INPP4A: variants seen among roughly 807,000 people sequenced by gnomAD.
INPP4A encodes the protein inositol polyphosphate-4-phosphatase, type I, 107kD.
INPP4A carries 33 observed loss-of-function variants against 119.8 expected under a neutral mutation model. The observed-to-expected ratio is 0.28, with a 90% CI of 0.21 to 0.37. The LOEUF (loss-of-function observed/expected upper bound fraction) is 0.37, where lower values mean the gene tolerates loss of function less well. Among genes scored for constraint, INPP4A ranks in the 10% least tolerant of loss-of-function variants. The probability of loss-of-function intolerance (pLI) is 1.00; values close to 1 mark genes in which losing one functional copy is unlikely to be tolerated. For missense variants in INPP4A, 956 were observed against 1,289.9 expected, an observed-to-expected ratio of 0.74 and a Z score of 3.97; for synonymous variants, 496 against 500.7, an observed-to-expected ratio of 0.99 and a Z score of 0.12.
At chr2:98,454,754 T>G (rs1214052530) in intron 1 of INPP4A, among the ~76,000 whole-genome samples, 1 of 100,266 alleles carries the variant, frequency 1.0e-5, no homozygotes, top group Non-Finnish European at 1.9e-5. Context: ...AGGAGAAGGA[T>G]GTGGGCGGGG....
intron 1 of INPP4A, among the ~76,000 whole-genome samples, chr2:98,448,304 C>T (rs542170205): frequency 1.5e-5 from 2 of 137,278 alleles, no homozygotes; most frequent in South Asian, 2.3e-4. Context: ...TGCAGTGAGC[C>T]GAGATCACAC....
chr2:98,545,955 A>C lies in INPP4A; in HGVS notation c.950-14A>C. 1.0e-5 allele frequency: 16 copies of C among 1,532,822 alleles called. No individual in the cohort carries two copies. The highest frequency in any genetic ancestry group is 1.3e-5 in the Non-Finnish European group (15 of 1,123,486). 95.0% of individuals were successfully genotyped at this position (1,532,822 alleles called of 1,614,324 possible). A position where few individuals can be genotyped will look rare whatever the true frequency, so the allele number is the denominator to read the frequency against. ...ATGCTGATGGCCTTTATCTTCTCCT[A>C]TTCCATTTCTTAGGGCCCTCGTTTA... is the stretch of plus-strand genomic sequence containing the variant. On this transcript the variant is annotated splice_polypyrimidine_tract_variant and intron_variant, in intron 11 of 24. Coordinates refer to ENST00000409851, the MANE Select transcript of INPP4A (RefSeq NM_001134225.2).
At chr2:98,486,855 C>T (rs3769727) in intron 1 of INPP4A, among the ~76,000 whole-genome samples, 41,797 of 152,098 alleles carry the variant, frequency 0.27, 5,792 homozygotes, top group Middle Eastern at 0.35. Context: ...GTGACAGGGG[C>T]GGGCAAGGCT....
At chr2:98,522,209 G>A (rs1389977177) in intron 4 of INPP4A, among the ~76,000 whole-genome samples, 3 of 150,984 alleles carry the variant, frequency 2.0e-5, no homozygotes, top group African/African-American at 4.9e-5. Context: ...ATCGCTTGAA[G>A]CCAGGAGGCG....
At chr2:98,503,802 G>A (rs1683567123) in intron 1 of INPP4A, among the ~76,000 whole-genome samples, 1 of 152,192 alleles carries the variant, frequency 6.6e-6, no homozygotes, top group African/African-American at 2.4e-5. Context: ...CTGCAGGCAG[G>A]GCTCCTGTCT....
chr2:98,483,519 G>A (rs569831713), intron 1 of INPP4A, among the ~76,000 whole-genome samples: 26 of 152,158 alleles, frequency 1.7e-4, no homozygotes, highest in Admixed American at 1.4e-3. Context: ...TCTTTCTAAT[G>A]TCTTGCTGCA....
chr2:98,579,232 G>A (rs1698917008), intron 24 of INPP4A, among the ~76,000 whole-genome samples: 1 of 152,052 alleles, frequency 6.6e-6, no homozygotes, highest in Admixed American at 6.5e-5. Flanking sequence ...TGTATTTTTA[G>A]TAGAAACGGG....
chr2:98,533,074 A>G (rs1689548144), intron 4 of INPP4A, among the ~76,000 whole-genome samples: 1 of 152,168 alleles, frequency 6.6e-6, no homozygotes, highest in African/African-American at 2.4e-5. Context: ...GTCGGACTTG[A>G]AGGGTTGGAC....
rs115659203 is a variant in INPP4A at position 98,508,895 on chromosome 2, C to T, written c.-165-10069C>T. Among the ~76,000 whole-genome samples the T allele has an allele frequency of 3.9e-3, 592 of 152,236 alleles. 1 individual carries two copies. Among genetic ancestry groups the T allele is most frequent in the African/African-American group, 0.011 (439 of 41,540 alleles). ...TGAAATTGATGTGGTAATCAAATGA[C>T]GAATGAGGCCTGGTGCGCGGGAGTG... On this transcript the variant is annotated intron_variant, in intron 1 of 24. Transcript: ENST00000409851.
At chr2:98,508,388 C>T (rs1327825849) in intron 1 of INPP4A, among the ~76,000 whole-genome samples, 2 of 152,230 alleles carry the variant, frequency 1.3e-5, no homozygotes, top group Non-Finnish European at 2.9e-5. Flanking sequence ...TGGGTTCATG[C>T]TCCACAGTCT....
At chr2:98,477,285 C>T (rs891583001) in intron 1 of INPP4A, among the ~76,000 whole-genome samples, 12 of 152,216 alleles carry the variant, frequency 7.9e-5, no homozygotes, top group Admixed American at 1.3e-4. Flanking sequence ...GCTCCCCCGC[C>T]GTCCCGTCTC....
At position 98,554,616 on chromosome 2, in the gene INPP4A, C is replaced by T. The variant is rs144743857; in HGVS notation, c.1566+127C>T. The T allele has an allele frequency of 6.2e-6, 5 of 803,048 alleles. No homozygotes were observed. Among genetic ancestry groups the T allele is most frequent in the Admixed American group, 4.9e-5 (2 of 40,832 alleles). 49.7% of individuals were successfully genotyped at this position (803,048 alleles called of 1,614,324 possible). ...CTGCTGTGAACAAGCTCCAGGTTTCCTTCCTGGATGGCTCCTTGGCTCCTG... is the reference window on the plus strand; with the variant it reads ...CTGCTGTGAACAAGCTCCAGGTTTCTTTCCTGGATGGCTCCTTGGCTCCTG... On this transcript the variant is annotated intron_variant, in intron 15 of 24. Transcript: ENST00000409851. The surrounding 1 kb of genome is among the most constrained non-coding windows in gnomAD (Gnocchi z 4.7).
intron 1 of INPP4A, among the ~76,000 whole-genome samples, chr2:98,464,037 G>A (rs1318991830): frequency 6.6e-6 from 1 of 152,226 alleles, no homozygotes; most frequent in Non-Finnish European, 1.5e-5. Flanking sequence ...CCTGCAGATG[G>A]CTGTTTTTAG....
At chr2:98,488,380 C>T (rs955796820) in intron 1 of INPP4A, among the ~76,000 whole-genome samples, 9 of 152,180 alleles carry the variant, frequency 5.9e-5, no homozygotes, top group African/African-American at 1.4e-4. Flanking sequence ...CAAATGGCAG[C>T]GGCAGCAAGA....
intron 2 of INPP4A, 91 bp from the exon 3 acceptor site, chr2:98,519,855 C>T (rs895894224): frequency 1.9e-5 from 11 of 577,096 alleles, no homozygotes; most frequent in African/African-American, 5.6e-5. Context: ...CACTGTACCT[C>T]GCCCCCGGTA....
Position 98,536,191 on chromosome 2 carries a change from G to T in INPP4A, c.450G>T (p.Arg150Ser), listed in dbSNP as rs768950190. The T allele has an allele frequency of 2.5e-6, 4 of 1,607,810 alleles. No homozygotes were observed. Among genetic ancestry groups the T allele is most frequent in the Non-Finnish European group, 3.4e-6 (4 of 1,174,586 alleles). ...VKDLLQDRHH[R>S]LHLTLRSAES... is the part of the protein sequence containing the mutation. ...ATCTGCTCCAGGACAGGCATCATAGGTTGCATTTAACACTAAGGTTGGTAT... is the reference window on the plus strand; with the variant it reads ...ATCTGCTCCAGGACAGGCATCATAGTTTGCATTTAACACTAAGGTTGGTAT... The change falls in exon 7 of 25, where the codon AGG becomes AGT. Residue 150 changes from arginine (R) to serine (S), a missense_variant. Coordinates refer to ENST00000409851, the MANE Select transcript of INPP4A (RefSeq NM_001134225.2).
chr2:98,537,948 C>G lies in INPP4A; in HGVS notation c.553C>G (p.Arg185Gly), dbSNP rs754710023. The G allele has an allele frequency of 6.2e-7, 1 of 1,611,576 alleles. No individual in the cohort carries two copies. Reference protein sequence around the residue: ...EKSDQRPPVTRSVDTVNGRMV... With the variant: ...EKSDQRPPVTGSVDTVNGRMV... ...GTCAGACCAACGGCCCCCTGTGACC[C>G]GGTCTGTGGACACTGTCAATGGGAG... The change falls in exon 8 of 25, where the codon CGG becomes GGG. Residue 185 changes from arginine (R) to glycine (G), a missense_variant. By Grantham distance (125) the Arg-to-Gly change is moderately radical. Transcript: ENST00000409851.
chr2:98,573,089 A>T (rs956804698), intron 23 of INPP4A, among the ~76,000 whole-genome samples, 162 bp downstream of exon 23: 4 of 152,332 alleles, frequency 2.6e-5, no homozygotes, highest in Non-Finnish European at 5.9e-5. Context: ...GAGACTGAAC[A>T]GTTCACAGAG....
intron 1 of INPP4A, among the ~76,000 whole-genome samples, chr2:98,516,364 A>G (rs553497425): frequency 2.9e-4 from 44 of 152,278 alleles, no homozygotes; most frequent in African/African-American, 1.0e-3. Context: ...TAGTCTGTAG[A>G]TGTACCCCTT....
Sources: gnomAD v4.1 joint callset for allele counts (sites outside exome capture counted in the v4.1 genomes callset) on GRCh38, gnomAD v4.1.1 for gene constraint, Gnocchi (gnomAD v3.1) non-coding constraint, MANE v1.5 for transcripts, NCBI Gene and HGNC (gene_info 2026-07-23, HGNC 2026-07-21) for gene names.